SLC11A2: variants seen among roughly 807,000 people sequenced by gnomAD.
SLC11A2 encodes the protein natural resistance-associated macrophage protein 2.
In SLC11A2, 38 loss-of-function variants were observed where a neutral mutation model predicts 68.0. The observed-to-expected ratio is 0.56, with a 90% CI of 0.43 to 0.73. SLC11A2 has a LOEUF of 0.73. Ranked by LOEUF, SLC11A2 falls within the 30% of genes least tolerant of loss-of-function variation. The probability of loss-of-function intolerance (pLI) is 0.00; values close to 1 mark genes in which losing one functional copy is unlikely to be tolerated. For missense variants in SLC11A2, 517 were observed against 690.5 expected (o/e 0.75, Z 2.82); for synonymous variants, 242 against 250.6 (o/e 0.97, Z 0.32).
At chr12:51,024,039 C>T (rs1944221229) in intron 1 of SLC11A2, among the ~76,000 whole-genome samples, 1 of 152,208 alleles carries the variant, frequency 6.6e-6, no homozygotes. Context: ...CAAAACTAAA[C>T]AACTAAACTT....
chr12:50,960,861 T>A, the SLC11A2 span: 1 of 958,482 alleles, frequency 1.0e-6, no homozygotes, highest in South Asian at 2.1e-5. Flanking sequence ...TTTTTTTTTT[T>A]TAGAGATGGG....
Position 50,987,478 on chromosome 12 carries a change from C to T in SLC11A2, c.*847G>A. 8.5e-6 allele frequency: 11 copies of T among 1,287,184 alleles called. No homozygotes were observed. The highest frequency in any genetic ancestry group is 1.1e-5 in the Non-Finnish European group (11 of 988,668). The allele number at this position is 1,287,184 out of a possible 1,614,324, so 79.7% of individuals were successfully genotyped here. A position where few individuals can be genotyped will look rare whatever the true frequency, so the allele number is the denominator to read the frequency against. On this transcript the variant is annotated 3_prime_UTR_variant, in exon 16 of 16. Transcript: ENST00000262052. ...TCACGAGAACATCAGTTCATAAATA[C>T]TACCATCTGTTTCTATCACCACCCT...
At chr12:51,020,552 TACAA>T (rs1292429476) in intron 1 of SLC11A2, among the ~76,000 whole-genome samples, 1 of 152,128 alleles carries the variant, frequency 6.6e-6, no homozygotes, top group Non-Finnish European at 1.5e-5. Context: ...GTTTATAAAG[TACAA>T]ACAGAGCTGC....
chr12:51,001,585 C>CAAAAAAAA (rs57569917), intron 5 of SLC11A2, among the ~76,000 whole-genome samples: 16 of 108,930 alleles, frequency 1.5e-4, no homozygotes, highest in Non-Finnish European at 2.2e-4. Flanking sequence ...CTTGCTTTCA[C>CAAAAAAAA]AAAAAAAAAA....
At chr12:51,007,273 C>A (rs1008834899) in intron 3 of SLC11A2, among the ~76,000 whole-genome samples, 1 of 152,154 alleles carries the variant, frequency 6.6e-6, no homozygotes, top group Non-Finnish European at 1.5e-5. Flanking sequence ...TGTCACGGGC[C>A]TTGGTCACTC....
chr12:50,963,992 C>T, the SLC11A2 span, among the ~76,000 whole-genome samples: 1 of 152,190 alleles, frequency 6.6e-6, no homozygotes, highest in Admixed American at 6.5e-5. Flanking sequence ...AAAGAGGATA[C>T]AGAATCCCTT....
downstream of SLC11A2, among the ~76,000 whole-genome samples, chr12:50,983,179 C>T (rs1940217856): frequency 6.6e-6 from 1 of 152,150 alleles, no homozygotes; most frequent in Admixed American, 6.5e-5. Flanking sequence ...TGTGCCACCA[C>T]ACTCAGCTAA....
At position 50,988,208 on chromosome 12, in the gene SLC11A2, G is replaced by C. The variant is rs776447248; in HGVS notation, c.*117C>G. 6.4e-7 allele frequency: 1 copy of C among 1,573,878 alleles called. No homozygotes were observed. Among genetic ancestry groups the C allele is most frequent in the East Asian group, 2.3e-5 (1 of 42,676 alleles). Reference sequence around the variant, plus strand: ...TGAAACAAAGTCTTTTCCAACCAACGGTTGAGTCATAAACACAGTCTGTGC... The same window carrying C: ...TGAAACAAAGTCTTTTCCAACCAACCGTTGAGTCATAAACACAGTCTGTGC... On this transcript the variant is annotated 3_prime_UTR_variant, in exon 16 of 16. Transcript: ENST00000262052.
chr12:51,008,392 G>T, intron 3 of SLC11A2, 84 bp downstream of exon 3: 1 of 1,137,600 alleles, frequency 8.8e-7, no homozygotes, highest in Non-Finnish European at 1.3e-6. Context: ...ACCTGAGGCT[G>T]CTGAACTTGA....
At position 50,995,878 on chromosome 12, in the gene SLC11A2, A is replaced by G. The variant is rs531139450; in HGVS notation, c.832-91T>C. On this transcript the variant is annotated intron_variant, in intron 9 of 15. Coordinates refer to ENST00000262052, the MANE Select transcript of SLC11A2 (RefSeq NM_000617.3). ...GAGTTTGGAGTCAGCTGAGAGATTT[A>G]GGGGACAAAAGTTGACCAGACGAAA... 34 of 1,242,632 alleles carry G rather than the reference A, an allele frequency of 2.7e-5. No individual in the cohort carries two copies. The African/African-American group carries it at 4.9e-4, about 18-fold the overall frequency. The allele number at this position is 1,242,632 out of a possible 1,614,324, so 77.0% of individuals were successfully genotyped here.
At chr12:50,990,204 C>G (rs1171681346) in intron 15 of SLC11A2, among the ~76,000 whole-genome samples, 1 of 151,922 alleles carries the variant, frequency 6.6e-6, no homozygotes, top group African/African-American at 2.4e-5. Context: ...CAAGGGGAGA[C>G]TATCACTATT....
chr12:51,005,566 G>A (rs1397174081), intron 3 of SLC11A2, 130 bp from the exon 4 acceptor site: 2 of 1,519,204 alleles, frequency 1.3e-6, no homozygotes, highest in East Asian at 2.6e-5. Flanking sequence ...GTCAGATATT[G>A]CATGTGTCCA....
chr12:50,972,526 C>T, the SLC11A2 span, among the ~76,000 whole-genome samples: 560 of 152,260 alleles, frequency 3.7e-3, 6 homozygotes, highest in African/African-American at 0.013. Context: ...CCAAGATGGC[C>T]GAATAGGAAC....
At chr12:51,013,289 CTTTTT>C (rs10588295) in intron 1 of SLC11A2, among the ~76,000 whole-genome samples, 15 of 130,938 alleles carry the variant, frequency 1.1e-4, no homozygotes, top group Non-Finnish European at 8.2e-5. Flanking sequence ...AATTAAATTG[CTTTTT>C]TTTTTTTTTT....
downstream of SLC11A2, among the ~76,000 whole-genome samples, chr12:50,978,967 C>A (rs1939891660): frequency 6.6e-6 from 1 of 152,152 alleles, no homozygotes; most frequent in African/African-American, 2.4e-5. Context: ...AGTGACTGCT[C>A]AGTAACAATT....
intron 6 of SLC11A2, among the ~76,000 whole-genome samples, chr12:51,000,073 C>T (rs1470052530): frequency 6.6e-6 from 1 of 151,910 alleles, no homozygotes; most frequent in Non-Finnish European, 1.5e-5. Flanking sequence ...ACATACAAAT[C>T]AATAATTGCG....
the SLC11A2 span, among the ~76,000 whole-genome samples, chr12:50,955,535 A>G: frequency 6.6e-6 from 1 of 152,216 alleles, no homozygotes; most frequent in East Asian, 1.9e-4. Context: ...TCAGACTGAC[A>G]TAAGTTTGCA....
chr12:50,986,557 T>A lies in SLC11A2; in HGVS notation c.*1768A>T. 7.8e-7 allele frequency: 1 copy of A among 1,287,080 alleles called. No individual in the cohort carries two copies. The highest frequency in any genetic ancestry group is 1.0e-6 in the Non-Finnish European group (1 of 988,672). The allele number at this position is 1,287,080 out of a possible 1,614,324, so 79.7% of individuals were successfully genotyped here. A position where few individuals can be genotyped will look rare whatever the true frequency, so the allele number is the denominator to read the frequency against. On this transcript the variant is annotated 3_prime_UTR_variant, in exon 16 of 16. Transcript: ENST00000262052. ...CAGGGCAAAGATACATGTTACCATA[T>A]CATCTTTATAAAGAATTTTTTTTTT...
chr12:50,956,298 G>A, the SLC11A2 span, among the ~76,000 whole-genome samples: 8 of 152,074 alleles, frequency 5.3e-5, no homozygotes, highest in East Asian at 1.9e-4. Context: ...AGGCTGAGGC[G>A]GGAGAATCAC....
Sources: gnomAD v4.1 joint callset for allele counts (sites outside exome capture counted in the v4.1 genomes callset) on GRCh38, gnomAD v4.1.1 for gene constraint, MANE v1.5 for transcripts, NCBI Gene and HGNC (gene_info 2026-07-23, HGNC 2026-07-21) for gene names.